PSKH2: variants seen among roughly 807,000 people sequenced by gnomAD.
PSKH2 encodes the protein protein serine kinase H2.
Under a neutral mutation model 22.5 loss-of-function variants are expected in PSKH2, and 16 were observed. The observed-to-expected ratio is 0.71, with a 90% CI of 0.48 to 1.08. The LOEUF is 1.08. Ranked by LOEUF, PSKH2 falls within the 50% of genes least tolerant of loss-of-function variation. The pLI, the probability that PSKH2 is intolerant of heterozygous loss-of-function variation, is 0.00. For synonymous variants in PSKH2, 188 were observed against 184.8 expected (o/e 1.02, Z -0.14); for missense variants, 516 against 492.8 (o/e 1.05, Z -0.44).
At chr8:86,049,567 A>AAGAAAGAGGAGAGAG (rs2130137484) in intron 2 of PSKH2, among the ~76,000 whole-genome samples, 1 of 135,596 alleles carries the variant, frequency 7.4e-6, no homozygotes, top group East Asian at 2.5e-4. Context: ...TCTAAAAAGA[A>AAGAAAGAGGAGAGAG]AGAAAGAGGA....
chr8:86,062,298 C>T (rs1258430456), intron 2 of PSKH2, among the ~76,000 whole-genome samples: 1 of 152,160 alleles, frequency 6.6e-6, no homozygotes, highest in East Asian at 1.9e-4. Context: ...TAATTTTTTA[C>T]TTTTGTAAAC....
At chr8:86,056,820 A>C (rs1289878338) in intron 2 of PSKH2, among the ~76,000 whole-genome samples, 1 of 152,150 alleles carries the variant, frequency 6.6e-6, no homozygotes, top group African/African-American at 2.4e-5. Flanking sequence ...ATACAGAAAA[A>C]ACTTTTAAAT....
intron 2 of PSKH2, among the ~76,000 whole-genome samples, chr8:86,051,082 T>C (rs1817623886): frequency 6.6e-6 from 1 of 151,008 alleles, no homozygotes; most frequent in African/African-American, 2.5e-5. Flanking sequence ...TTGTTTGTTT[T>C]TGAAATGGTG....
chr8:86,064,752 A>G (rs1817835523), intron 1 of PSKH2, 121 bp from the exon 2 acceptor site: 1 of 811,600 alleles, frequency 1.2e-6, no homozygotes, highest in Admixed American at 2.9e-5. Flanking sequence ...TTATTTGTTT[A>G]TTATTACTTG....
chr8:86,061,202 C>G (rs1053809343), intron 2 of PSKH2, among the ~76,000 whole-genome samples: 3 of 152,146 alleles, frequency 2.0e-5, no homozygotes, highest in Non-Finnish European at 4.4e-5. Flanking sequence ...TTGTCCTGCT[C>G]CCCTCACTCC....
At chr8:86,061,624 G>C (rs1241041485) in intron 2 of PSKH2, among the ~76,000 whole-genome samples, 5 of 152,166 alleles carry the variant, frequency 3.3e-5, no homozygotes, top group Non-Finnish European at 1.5e-5. Context: ...CCCTGCTGGA[G>C]AAAGCACATG....
rs547753031 is a variant in PSKH2, at chr8:86,053,898, A to C, written c.853-5131T>G. ...CTCTACATACAAAAATTAGCTTAGC[A>C]TGGTGACACGCAGCGGTAGTCCCAG... On this transcript the variant is annotated intron_variant, in intron 2 of 2. Transcript: ENST00000276616. Among the ~76,000 whole-genome samples, 14 of 152,244 alleles carry C rather than the reference A, an allele frequency of 9.2e-5. No homozygotes were observed. In the East Asian group the frequency reaches 2.7e-3, roughly 29 times the overall value.
Position 86,069,618 on chromosome 8 carries a change from C to G in PSKH2, c.5G>C (p.Gly2Ala), listed in dbSNP as rs770519832. M[G>A]CGASRKVVPG... Reference sequence around the variant, plus strand: ...GACCACCTTCCTGCTGGCGCCGCACCCCATACCCGCAACACGCCCGCCGCT... The same window carrying G: ...GACCACCTTCCTGCTGGCGCCGCACGCCATACCCGCAACACGCCCGCCGCT... Residue 2 changes from glycine to alanine, a missense_variant, in exon 1 of 3, where the codon GGG becomes GCG. Transcript: ENST00000276616. 1.9e-6 allele frequency: 3 copies of G among 1,571,840 alleles called. No individual in the cohort carries two copies. In the East Asian group the frequency reaches 7.0e-5, roughly 37 times the overall value.
intron 2 of PSKH2, among the ~76,000 whole-genome samples, chr8:86,056,147 G>A (rs1203851175): frequency 1.3e-5 from 2 of 151,452 alleles, no homozygotes; most frequent in African/African-American, 2.4e-5. Flanking sequence ...TTTTTTAAAT[G>A]AGCTGTGCGT....
Position 86,048,560 on chromosome 8 carries a change from C to G in PSKH2, c.1060G>C (p.Ala354Pro), listed in dbSNP as rs781573429. The G allele has an allele frequency of 2.7e-5, 43 of 1,614,054 alleles. 1 individual carries two copies. The South Asian group carries it at 4.3e-4, about 16-fold the overall frequency. ...GAATAATGTGACTTAGAAGACTGTG[C>G]AGATCCAGGACTCTGAGAGTGGGGA... ...ASPHSQSPGS[A>P]QSSKSHYSHK... Residue 354 changes from alanine to proline, a missense_variant, in exon 3 of 3, where the codon GCA becomes CCA. Physicochemically the swap from Ala to Pro is conservative, Grantham distance 27. Coordinates refer to ENST00000276616, the MANE Select transcript of PSKH2 (RefSeq NM_033126.3).
chr8:86,053,013 A>T (rs1187234173), intron 2 of PSKH2, among the ~76,000 whole-genome samples: 1 of 152,210 alleles, frequency 6.6e-6, no homozygotes, highest in East Asian at 1.9e-4. Flanking sequence ...AATGATTCAA[A>T]GGAATTCGGA....
At chr8:86,050,577 A>G (rs1817616275) in intron 2 of PSKH2, among the ~76,000 whole-genome samples, 1 of 152,172 alleles carries the variant, frequency 6.6e-6, no homozygotes, top group South Asian at 2.1e-4. Flanking sequence ...CTGATCAGAC[A>G]AGCTCTTAAA....
At chr8:86,063,911 T>C in intron 2 of PSKH2, 54 bp downstream of exon 2, 1 of 1,409,300 alleles carries the variant, frequency 7.1e-7, no homozygotes, top group South Asian at 1.3e-5. Context: ...AGTGACAAGG[T>C]GGAGAAGCCC....
At chr8:86,063,668 T>C (rs959099367) in intron 2 of PSKH2, among the ~76,000 whole-genome samples, 14 of 152,250 alleles carry the variant, frequency 9.2e-5, no homozygotes, top group Non-Finnish European at 1.5e-5. Flanking sequence ...GTCAGTGTCA[T>C]GTGCTAACCA....
intron 2 of PSKH2, among the ~76,000 whole-genome samples, chr8:86,058,191 C>A (rs1245689012): frequency 6.6e-6 from 1 of 152,192 alleles, no homozygotes; most frequent in Non-Finnish European, 1.5e-5. Context: ...GGGAGGAAAT[C>A]TTTGCTCTCT....
intron 2 of PSKH2, among the ~76,000 whole-genome samples, chr8:86,050,975 G>T (rs965347614): frequency 2.0e-5 from 3 of 151,954 alleles, no homozygotes; most frequent in African/African-American, 7.3e-5. Flanking sequence ...ACTCCTCCTG[G>T]TCTCAAGCCA....
chr8:86,064,797 GT>G (rs2130169254), intron 1 of PSKH2, among the ~76,000 whole-genome samples, 166 bp from the exon 2 acceptor site: 1 of 152,170 alleles, frequency 6.6e-6, no homozygotes, highest in Non-Finnish European at 1.5e-5. Flanking sequence ...CCCAAATCCT[GT>G]TTTGAAATGG....
At chr8:86,069,360 G>A in intron 1 of PSKH2, 78 bp downstream of exon 1, 1 of 1,356,090 alleles carries the variant, frequency 7.4e-7, no homozygotes, top group South Asian at 1.6e-5. Context: ...CAAGCTGAAG[G>A]GAACCTCGAG....
chr8:86,049,738 GAAAGAAAGAAACGAAAGAAAGAA>G (rs1563538735), intron 2 of PSKH2, among the ~76,000 whole-genome samples: 18 of 35,474 alleles, frequency 5.1e-4, no homozygotes, highest in African/African-American at 1.8e-3. Context: ...AAGAAAGAAA[GAAAGAAAGAAACGAAAGAAAGAA>G]AGAAAGAGAA....
Sources: allele counts gnomAD v4.1 joint callset (sites outside exome capture counted in the v4.1 genomes callset), GRCh38; gene constraint gnomAD v4.1.1; transcripts MANE v1.5; gene names NCBI Gene and HGNC (gene_info 2026-07-23, HGNC 2026-07-21).